The following PRAG1 variants were observed in gnomAD, a reference collection of about 807,000 sequenced individuals.
PRAG1 encodes inactive tyrosine-protein kinase PRAG1.
Under a neutral mutation model 95.6 loss-of-function variants are expected in PRAG1, and 110 were observed. That is an observed-to-expected ratio of 1.15 (90% confidence interval 0.99 to 1.35). The LOEUF (loss-of-function observed/expected upper bound fraction) is 1.35, where lower values mean the gene tolerates loss of function less well. PRAG1 is among the 40% of genes most tolerant of loss of function. The pLI is 0.00. For missense variants in PRAG1, 2,554 were observed against 1,864.7 expected, an observed-to-expected ratio of 1.37 and a Z score of -6.81; for synonymous variants, 1,052 against 819.4, an observed-to-expected ratio of 1.28 and a Z score of -4.85.
intron 4 of PRAG1, 122 bp from the exon 5 acceptor site, chr8:8,328,583 T>TC: frequency 9.2e-7 from 1 of 1,088,520 alleles, no homozygotes; most frequent in Non-Finnish European, 1.3e-6. Context: ...TTATGTTACT[T>TC]CTTTTCTATT....
chr8:8,348,687 C>A (rs961727039), intron 3 of PRAG1, among the ~76,000 whole-genome samples: 2 of 152,136 alleles, frequency 1.3e-5, no homozygotes, highest in African/African-American at 4.8e-5. Context: ...GTTTCACTTA[C>A]CTACAAATTC....
rs764511944 is a variant in PRAG1 at position 8,381,479 on chromosome 8, A to G, written c.269T>C (p.Met90Thr). Residue 90 changes from methionine (M) to threonine (T), a missense_variant, in exon 2 of 6, where the codon ATG (methionine) becomes ACG (threonine). By Grantham distance (81) the Met-to-Thr change is moderately conservative (BLOSUM62 -1). Transcript: ENST00000615670. ...CACATCAGAGGCCTCGGAGCTCATC[A>G]TGGTGGGCTTCACGGCAATTGTGGG... ...SKPTIAVKPTMMSSEASDVWT... is the reference protein window; with the variant it reads ...SKPTIAVKPTTMSSEASDVWT... The G allele has an allele frequency of 1.2e-6, 2 of 1,614,226 alleles. No individual in the cohort carries two copies. Among genetic ancestry groups the G allele is most frequent in the South Asian group, 1.1e-5 (1 of 91,084 alleles).
chr8:8,339,348 T>C (rs759399118), intron 4 of PRAG1, 130 bp downstream of exon 4: 17 of 963,802 alleles, frequency 1.8e-5, no homozygotes, highest in Non-Finnish European at 2.4e-5. Flanking sequence ...CCTGGAAGAG[T>C]CTACTTCATT....
At chr8:8,342,271 C>T (rs1799194236) in intron 3 of PRAG1, among the ~76,000 whole-genome samples, 1 of 149,924 alleles carries the variant, frequency 6.7e-6, no homozygotes, top group African/African-American at 2.5e-5. Context: ...TTGGCTCATG[C>T]AAGCTACGCC....
chr8:8,378,946 G>A (rs1177808081), intron 2 of PRAG1, among the ~76,000 whole-genome samples: 1 of 152,016 alleles, frequency 6.6e-6, no homozygotes, highest in Non-Finnish European at 1.5e-5. Context: ...GAGGGTGAGG[G>A]GTGGTTTCTG....
intron 4 of PRAG1, among the ~76,000 whole-genome samples, chr8:8,332,917 T>C (rs1798869185): frequency 6.6e-6 from 1 of 152,146 alleles, no homozygotes; most frequent in African/African-American, 2.4e-5. Context: ...GCTGCCACAC[T>C]CTGGATTAGG....
chr8:8,335,549 A>T (rs1264723316), intron 4 of PRAG1, among the ~76,000 whole-genome samples: 4 of 148,472 alleles, frequency 2.7e-5, no homozygotes, highest in Non-Finnish European at 6.0e-5. Flanking sequence ...AATTTTTATA[A>T]AAAAAAAGTA....
At chr8:8,346,737 T>C (rs897556539) in intron 3 of PRAG1, among the ~76,000 whole-genome samples, 3 of 152,334 alleles carry the variant, frequency 2.0e-5, no homozygotes, top group African/African-American at 7.2e-5. Context: ...TCTCACACTT[T>C]CCATGGCTGT....
intron 3 of PRAG1, among the ~76,000 whole-genome samples, chr8:8,359,649 T>C (rs937797383): frequency 3.3e-5 from 5 of 152,210 alleles, no homozygotes; most frequent in Admixed American, 6.5e-5. Flanking sequence ...AACCCTATTC[T>C]TCCTTATAAA....
intron 4 of PRAG1, among the ~76,000 whole-genome samples, chr8:8,335,197 T>C (rs1433803266): frequency 6.6e-6 from 1 of 152,242 alleles, no homozygotes; most frequent in Non-Finnish European, 1.5e-5. Context: ...TAAGGATTTA[T>C]CTTACAGATT....
intron 1 of PRAG1, among the ~76,000 whole-genome samples, chr8:8,384,522 T>C (rs891639774): frequency 2.1e-5 from 3 of 146,138 alleles, no homozygotes. Flanking sequence ...AATGAAGCCC[T>C]GGGCTTCCCA....
chr8:8,371,291 C>T (rs73184345), intron 3 of PRAG1, among the ~76,000 whole-genome samples: 29,456 of 151,442 alleles, frequency 0.19, 3,391 homozygotes, highest in Middle Eastern at 0.33. Context: ...GGTGGAGTCT[C>T]GCTCTGTCGC....
chr8:8,347,405 G>A (rs1411762382), intron 3 of PRAG1, among the ~76,000 whole-genome samples: 1 of 152,196 alleles, frequency 6.6e-6, no homozygotes, highest in African/African-American at 2.4e-5. Flanking sequence ...AACAGAGACG[G>A]CTCTGCCTCT....
intron 3 of PRAG1, among the ~76,000 whole-genome samples, chr8:8,361,817 T>C (rs1323980023): frequency 6.6e-6 from 1 of 152,230 alleles, no homozygotes; most frequent in Admixed American, 6.5e-5. Flanking sequence ...GAAGCAACAA[T>C]ACTTAATCAT....
chr8:8,337,258 C>A (rs1380974411), intron 4 of PRAG1, among the ~76,000 whole-genome samples: 1 of 152,106 alleles, frequency 6.6e-6, no homozygotes, highest in East Asian at 1.9e-4. Flanking sequence ...TACTGCATGC[C>A]AAACAGTAAC....
intron 3 of PRAG1, among the ~76,000 whole-genome samples, chr8:8,367,591 T>C (rs575675750): frequency 6.6e-6 from 1 of 151,990 alleles, no homozygotes; most frequent in Non-Finnish European, 1.5e-5. Flanking sequence ...AAGGTCATAT[T>C]ACTTACTACT....
At chr8:8,324,692 C>G (rs575751264) in intron 5 of PRAG1, among the ~76,000 whole-genome samples, 2 of 152,302 alleles carry the variant, frequency 1.3e-5, no homozygotes, top group Admixed American at 1.3e-4. Flanking sequence ...TGAGCCAGGA[C>G]TCATTTAAAC....
chr8:8,377,028 G>C lies in PRAG1; in HGVS notation c.1381C>G (p.Arg461Gly). Reference sequence around the variant, plus strand: ...TGGGGAGTTGGGTCTGGGCTGTCCCGGCCCCAGCCAGATGCTGCTTTCTGG... The same window carrying C: ...TGGGGAGTTGGGTCTGGGCTGTCCCCGCCCCAGCCAGATGCTGCTTTCTGG... ...WAQKAASGWG[R>G]DSPDPTPQVS... Residue 461 changes from arginine (R) to glycine (G), a missense_variant, in exon 3 of 6, where the codon CGG becomes GGG. Coordinates refer to ENST00000615670, the MANE Select transcript of PRAG1 (RefSeq NM_001080826.3). The C allele has an allele frequency of 6.2e-7, 1 of 1,613,932 alleles. No homozygotes were observed. The highest frequency in any genetic ancestry group is 8.5e-7 in the Non-Finnish European group (1 of 1,180,012).
At chr8:8,352,324 T>C (rs1799549770) in intron 3 of PRAG1, among the ~76,000 whole-genome samples, 1 of 152,234 alleles carries the variant, frequency 6.6e-6, no homozygotes, top group Non-Finnish European at 1.5e-5. Context: ...TCAGACTCAG[T>C]TGACCTCCCC....
Sources: gnomAD v4.1 joint callset for allele counts (sites outside exome capture counted in the v4.1 genomes callset) on GRCh38, gnomAD v4.1.1 for gene constraint, MANE v1.5 for transcripts, NCBI Gene and HGNC (gene_info 2026-07-23, HGNC 2026-07-21) for gene names.